Variants in SRGAP2B observed in about 807,000 individuals in gnomAD.
SRGAP2B encodes the protein SLIT-ROBO Rho GTPase-activating protein 2B.
A neutral mutation model predicts 22.2 loss-of-function variants in SRGAP2B; 9 were observed. That is an observed-to-expected ratio of 0.41 (90% confidence interval 0.24 to 0.71). The LOEUF is 0.71. Among genes scored for constraint, SRGAP2B ranks in the 30% least tolerant of loss-of-function variants. The pLI is 0.35. For synonymous variants in SRGAP2B, 36 were observed against 87.4 expected, an observed-to-expected ratio of 0.41 and a Z score of 3.28; for missense variants, 114 against 235.8, an observed-to-expected ratio of 0.48 and a Z score of 3.38.
At chr1:145,013,378 C>T (rs1553622573) in intron 2 of SRGAP2B, among the ~76,000 whole-genome samples, 1 of 149,002 alleles carries the variant, frequency 6.7e-6, no homozygotes, top group African/African-American at 2.6e-5. Context: ...GGACCATTCC[C>T]TGTGTCACTG....
intron 4 of SRGAP2B, among the ~76,000 whole-genome samples, chr1:144,916,099 AGTAAT>A (rs1440219699): frequency 6.6e-6 from 1 of 150,434 alleles, no homozygotes; most frequent in East Asian, 1.9e-4. Context: ...TGATTACAAA[AGTAAT>A]GTATGTTTAT....
chr1:144,911,919 A>C lies in SRGAP2B; in HGVS notation c.486+2773T>G, dbSNP rs1214688185. Among the ~76,000 whole-genome samples the C allele has an allele frequency of 5.0e-5, 6 of 119,794 alleles. 1 individual carries two copies. The highest frequency in any genetic ancestry group is 2.5e-4 in the East Asian group (1 of 3,996). 78.6% of individuals were successfully genotyped at this position (119,794 alleles called of 152,430 possible). On this transcript the variant is annotated intron_variant, in intron 5 of 9. Coordinates refer to ENST00000612199, the Ensembl canonical transcript of SRGAP2B. ...CGGGCATGAGCCACTGTGACCGGCTATTCTCTGAACTTTCTCTTTTTTTCC... is the reference window on the plus strand; with the variant it reads ...CGGGCATGAGCCACTGTGACCGGCTCTTCTCTGAACTTTCTCTTTTTTTCC...
At chr1:144,984,361 AC>A (rs57333717) in intron 3 of SRGAP2B, among the ~76,000 whole-genome samples, 156 of 127,846 alleles carry the variant, frequency 1.2e-3, no homozygotes, top group Admixed American at 2.6e-3. Flanking sequence ...AACAACAACA[AC>A]AACAAAAAAA....
intron 3 of SRGAP2B, among the ~76,000 whole-genome samples, chr1:144,989,042 A>G (rs1374343748): frequency 3.1e-5 from 3 of 95,546 alleles, no homozygotes; most frequent in South Asian, 3.7e-4. Context: ...CTTTGTGTGT[A>G]GATTACTCCA....
At chr1:145,022,620 A>T (rs1647270341) in intron 2 of SRGAP2B, among the ~76,000 whole-genome samples, 1 of 149,804 alleles carries the variant, frequency 6.7e-6, no homozygotes. Flanking sequence ...AACACACACA[A>T]ATCATTATGA....
chr1:145,020,432 A>T (rs1343605172), intron 2 of SRGAP2B, among the ~76,000 whole-genome samples: 4 of 118,616 alleles, frequency 3.4e-5, no homozygotes, highest in Non-Finnish European at 6.9e-5. Context: ...TTGTCTCTTT[A>T]AAAAAAAAAA....
intron 4 of SRGAP2B, among the ~76,000 whole-genome samples, chr1:144,951,199 A>G (rs1210147446): frequency 1.4e-5 from 2 of 147,828 alleles, no homozygotes; most frequent in Non-Finnish European, 1.5e-5. Flanking sequence ...TTAAACAGAC[A>G]GGGTCTGGCT....
chr1:144,971,866 GC>G (rs1221824788), intron 3 of SRGAP2B, among the ~76,000 whole-genome samples: 2 of 150,716 alleles, frequency 1.3e-5, no homozygotes, highest in Non-Finnish European at 2.9e-5. Context: ...GTGGAGCAGG[GC>G]AAGAATCCAG....
chr1:145,025,963 G>A (rs1487673905), intron 2 of SRGAP2B, among the ~76,000 whole-genome samples: 1 of 145,402 alleles, frequency 6.9e-6, no homozygotes, highest in Admixed American at 7.0e-5. Context: ...GGGGATGGGA[G>A]GCGGAAAGGG....
At chr1:144,966,316 AAG>A (rs1226284731) in intron 3 of SRGAP2B, among the ~76,000 whole-genome samples, 2 of 149,870 alleles carry the variant, frequency 1.3e-5, no homozygotes, top group East Asian at 3.9e-4. Context: ...TACAAGCCAG[AAG>A]AGAGTGGGGG....
intron 3 of SRGAP2B, among the ~76,000 whole-genome samples, chr1:144,987,505 G>A (rs1285373665): frequency 6.6e-6 from 1 of 150,494 alleles, no homozygotes; most frequent in Non-Finnish European, 1.5e-5. Context: ...CTCTCGGGAT[G>A]GAATAAGAAG....
At position 144,994,565 on chromosome 1, in the gene SRGAP2B, TGTGAGAGAGA is replaced by T. The variant is rs1166943122; in HGVS notation, c.260+433_260+442del. Among the ~76,000 whole-genome samples the T allele has an allele frequency of 2.6e-3, 92 of 35,468 alleles. 2 individuals carry two copies. Among genetic ancestry groups the T allele is most frequent in the Non-Finnish European group, 1.8e-3 (31 of 17,098 alleles). 23.3% of individuals were successfully genotyped at this position (35,468 alleles called of 152,430 possible). On this transcript the variant is annotated intron_variant, in intron 3 of 9. Transcript: ENST00000612199. Reference sequence around the variant, plus strand: ...GTGTGAGTGTGAGTGTGTGTGTGTGTGTGAGAGAGAGAGAGAGAGAGAGAGAGAGAGAGAG... The same window carrying T: ...GTGTGAGTGTGAGTGTGTGTGTGTGTGAGAGAGAGAGAGAGAGAGAGAGAG...
intron 2 of SRGAP2B, among the ~76,000 whole-genome samples, chr1:145,089,225 T>C (rs1351426755): frequency 6.6e-6 from 1 of 150,758 alleles, no homozygotes; most frequent in African/African-American, 2.5e-5. Flanking sequence ...TGGAAAGAGC[T>C]ATGTAAAAAG....
intron 2 of SRGAP2B, among the ~76,000 whole-genome samples, chr1:145,020,930 G>C (rs1672758379): frequency 6.7e-6 from 1 of 148,962 alleles, no homozygotes; most frequent in African/African-American, 2.5e-5. Context: ...TTCCCAAGTA[G>C]CTGGGATTAC....
At chr1:144,972,943 C>T (rs1162677606) in intron 3 of SRGAP2B, among the ~76,000 whole-genome samples, 1 of 136,614 alleles carries the variant, frequency 7.3e-6, no homozygotes, top group Non-Finnish European at 1.5e-5. Context: ...CTTGTCTCTA[C>T]CAAAAATACA....
At chr1:144,944,025 T>C (rs1245062203) in intron 4 of SRGAP2B, among the ~76,000 whole-genome samples, 2 of 149,692 alleles carry the variant, frequency 1.3e-5, no homozygotes, top group Admixed American at 6.6e-5. Context: ...AAGTATACAG[T>C]ATTTTCTAAG....
chr1:144,960,467 G>A (rs1378799005), intron 3 of SRGAP2B, among the ~76,000 whole-genome samples: 3 of 150,154 alleles, frequency 2.0e-5, no homozygotes, highest in Admixed American at 6.6e-5. Context: ...CATTAGCTTC[G>A]AAGACATTAG....
At chr1:144,990,790 C>T (rs1406824378) in intron 3 of SRGAP2B, among the ~76,000 whole-genome samples, 5 of 151,334 alleles carry the variant, frequency 3.3e-5, no homozygotes, top group African/African-American at 7.4e-5. Flanking sequence ...ACTTAGCACC[C>T]GGGCCAGTGG....
At chr1:144,920,288 C>A (rs1208519492) in intron 4 of SRGAP2B, among the ~76,000 whole-genome samples, 3 of 150,258 alleles carry the variant, frequency 2.0e-5, no homozygotes, top group Non-Finnish European at 4.4e-5. Context: ...TTTTTAGATA[C>A]AAGGTCTTGC....
Sources: gnomAD v4.1 joint callset for allele counts (sites outside exome capture counted in the v4.1 genomes callset) on GRCh38, gnomAD v4.1.1 for gene constraint, MANE v1.5 for transcripts, NCBI Gene and HGNC (gene_info 2026-07-23, HGNC 2026-07-21) for gene names.